ZNF600: variants seen among roughly 807,000 people sequenced by gnomAD.
ZNF600 encodes zinc finger protein KR-ZNF1.
In ZNF600, 4 loss-of-function variants were observed where a neutral mutation model predicts 7.3. That is an observed-to-expected ratio of 0.55 (90% CI 0.27 to 1.25). ZNF600 has a LOEUF of 1.25. Ranked by LOEUF, ZNF600 falls within the 50% of genes most tolerant of loss-of-function variation. The pLI is 0.12. For missense variants in ZNF600, 911 were observed against 922.1 expected (o/e 0.99, Z 0.16); for synonymous variants, 290 against 308.9 (o/e 0.94, Z 0.64).
the ZNF600 span, chr19:52,810,674 G>A: frequency 7.9e-5 from 73 of 919,856 alleles, no homozygotes; most frequent in East Asian, 6.2e-4. Flanking sequence ...TACAGGGGCC[G>A]GGCTAGAGCG....
intron 1 of ZNF600, among the ~76,000 whole-genome samples, chr19:52,783,519 G>A (rs995641399): frequency 2.1e-4 from 32 of 151,968 alleles, no homozygotes; most frequent in Non-Finnish European, 3.8e-4. Context: ...CCGCCACCAC[G>A]CCCGGCTAAT....
chr19:52,773,314 A>G (rs2062646027), intron 3 of ZNF600, among the ~76,000 whole-genome samples: 1 of 152,222 alleles, frequency 6.6e-6, no homozygotes, highest in African/African-American at 2.4e-5. Context: ...TCAAATTACA[A>G]TATGGGCAAG....
At chr19:52,766,881 T>G in exon 4 of ZNF600, 2 of 1,614,222 alleles carry the variant, frequency 1.2e-6, no homozygotes, top group Non-Finnish European at 1.7e-6. Context: ...AATTCTACGA[T>G]GACGTGCAAG....
chr19:52,789,397 G>C (rs1365051641), upstream of ZNF600, among the ~76,000 whole-genome samples: 1 of 152,190 alleles, frequency 6.6e-6, no homozygotes, highest in African/African-American at 2.4e-5. Flanking sequence ...CAACTCAAAA[G>C]AATTTTGGAA....
the ZNF600 span, among the ~76,000 whole-genome samples, chr19:52,822,458 T>A: frequency 3.2e-3 from 490 of 152,260 alleles, 3 homozygotes; most frequent in African/African-American, 0.011. Flanking sequence ...GAAATCATCT[T>A]CATGACAAAA....
At chr19:52,814,872 G>A in the ZNF600 span, among the ~76,000 whole-genome samples, 1 of 146,476 alleles carries the variant, frequency 6.8e-6, no homozygotes, top group Non-Finnish European at 1.5e-5. Context: ...GGGCAACAGA[G>A]CCAGACCTTG....
At chr19:52,817,273 G>A in the ZNF600 span, among the ~76,000 whole-genome samples, 1 of 152,232 alleles carries the variant, frequency 6.6e-6, no homozygotes, top group South Asian at 2.1e-4. Context: ...TCGGGAGGCT[G>A]AGGCAGGAGA....
At chr19:52,821,752 C>G in the ZNF600 span, 1 of 152,130 alleles carries the variant, frequency 6.6e-6, no homozygotes, top group East Asian at 1.9e-4. Context: ...CCTTTAGAAC[C>G]CGCAGAGGGC....
At chr19:52,786,331 G>A (rs2062763195) in intron 1 of ZNF600, among the ~76,000 whole-genome samples, 1 of 152,194 alleles carries the variant, frequency 6.6e-6, no homozygotes, top group East Asian at 1.9e-4. Flanking sequence ...GGACCAGGCA[G>A]AGGACGCAGC....
the ZNF600 span, among the ~76,000 whole-genome samples, chr19:52,810,922 G>GTC: frequency 2.1e-5 from 2 of 93,234 alleles, no homozygotes; most frequent in African/African-American, 4.2e-5. Context: ...TCCCTCCACA[G>GTC]TCTCCCTCTG....
chr19:52,823,594 A>T, the ZNF600 span, among the ~76,000 whole-genome samples: 8 of 152,308 alleles, frequency 5.3e-5, no homozygotes, highest in East Asian at 1.5e-3. Flanking sequence ...GCTCAGAATT[A>T]TTTAAATGTC....
At chr19:52,778,714 G>A (rs1600392374) in intron 2 of ZNF600, 112 bp downstream of exon 4, 1 of 1,409,840 alleles carries the variant, frequency 7.1e-7, no homozygotes, top group East Asian at 2.4e-5. Context: ...GGCTGAGTGT[G>A]AGTGAACGTG....
the ZNF600 span, chr19:52,800,150 G>C: frequency 6.2e-7 from 1 of 1,613,720 alleles, no homozygotes; most frequent in Non-Finnish European, 8.5e-7. Context: ...GTCTTTCCAT[G>C]TGTGATTTGC....
upstream of ZNF600, among the ~76,000 whole-genome samples, chr19:52,787,870 AAG>A (rs1321807286): frequency 4.1e-3 from 426 of 103,584 alleles, 21 homozygotes; most frequent in African/African-American, 5.3e-3. Context: ...AAAAAAAAAA[AAG>A]AAAAAGAAAA....
the ZNF600 span, among the ~76,000 whole-genome samples, chr19:52,828,206 C>T: frequency 1.3e-5 from 2 of 151,968 alleles, no homozygotes; most frequent in African/African-American, 4.8e-5. Context: ...CATGCTCCAC[C>T]ATGCATGGCT....
chr19:52,809,762 G>A, the ZNF600 span: 2 of 479,586 alleles, frequency 4.2e-6, no homozygotes, highest in Non-Finnish European at 3.7e-6. Context: ...CTGAGATCAT[G>A]CCACTTCACT....
At chr19:52,770,294 C>A (rs1332326310) in intron 3 of ZNF600, among the ~76,000 whole-genome samples, 4 of 151,978 alleles carry the variant, frequency 2.6e-5, no homozygotes, top group Non-Finnish European at 4.4e-5. Flanking sequence ...ACAAAAAAAA[C>A]AGCTGGGTAT....
the ZNF600 span, among the ~76,000 whole-genome samples, chr19:52,792,986 T>G: frequency 6.6e-6 from 1 of 151,840 alleles, no homozygotes; most frequent in African/African-American, 2.4e-5. Flanking sequence ...TCCACCCACC[T>G]CGGCCTCCCA....
chr19:52,774,824 A>G (rs1413427251), intron 2 of ZNF600, 123 bp from the exon 5 acceptor site: 2 of 982,052 alleles, frequency 2.0e-6, no homozygotes, highest in African/African-American at 3.5e-5. Flanking sequence ...ATGTTAAGGT[A>G]TTTTGAATAT....
Sources: allele counts gnomAD v4.1 joint callset (sites outside exome capture counted in the v4.1 genomes callset), GRCh38; gene constraint gnomAD v4.1.1; transcripts MANE v1.5; gene names NCBI Gene and HGNC (gene_info 2026-07-23, HGNC 2026-07-21).